ADAMTSL1: variants seen among roughly 807,000 people sequenced by gnomAD.
ADAMTSL1 encodes ADAMTS-like protein 1.
A neutral mutation model predicts 201.8 loss-of-function variants in ADAMTSL1; 126 were observed. The observed-to-expected ratio is 0.62, with a 90% CI of 0.54 to 0.72. The LOEUF is 0.72. ADAMTSL1 is among the 30% of genes least tolerant of loss of function. The probability of loss-of-function intolerance (pLI) is 0.00; values close to 1 mark genes in which losing one functional copy is unlikely to be tolerated. For synonymous variants in ADAMTSL1, 1,121 were observed against 903.4 expected (o/e 1.24, Z -4.32); for missense variants, 2,679 against 2,277.8 (o/e 1.18, Z -3.59).
chr9:18,233,670 C>G (rs1400804685), intron 2 of ADAMTSL1, among the ~76,000 whole-genome samples: 1 of 151,910 alleles, frequency 6.6e-6, no homozygotes, highest in African/African-American at 2.4e-5. Flanking sequence ...CCCTTGAACA[C>G]CTTATTGGAA....
chr9:18,671,469 C>A (rs10811008), intron 9 of ADAMTSL1, among the ~76,000 whole-genome samples: 1 of 151,796 alleles, frequency 6.6e-6, no homozygotes, highest in Non-Finnish European at 1.5e-5. Context: ...TTGCTGGTGT[C>A]GAGATGACAA....
In ADAMTSL1 at chr9:18,526,846, C is replaced by G. The variant is rs140763454; in HGVS notation, c.192-6401C>G. On this transcript the variant is annotated intron_variant, in intron 2 of 28. Coordinates refer to ENST00000380548, the MANE Select transcript of ADAMTSL1 (RefSeq NM_001040272.6). Reference sequence around the variant, plus strand: ...ATCCCTTGGTGGGGTTGCAAATCCGCTTATCTTGTTCTAATCTATGGTCGC... The same window carrying G: ...ATCCCTTGGTGGGGTTGCAAATCCGGTTATCTTGTTCTAATCTATGGTCGC... Among the ~76,000 whole-genome samples, 69 of 152,254 alleles carry G rather than the reference C, an allele frequency of 4.5e-4. 2 individuals carry two copies. The highest frequency in any genetic ancestry group is 1.6e-3 in the African/African-American group (68 of 41,542).
chr9:18,336,357 G>C (rs1835242146), intron 2 of ADAMTSL1, among the ~76,000 whole-genome samples: 2 of 151,094 alleles, frequency 1.3e-5, no homozygotes, highest in African/African-American at 4.9e-5. Flanking sequence ...CTTAAAGAAG[G>C]ACTATCAGCC....
At chr9:18,593,144 G>A (rs1013828205) in intron 4 of ADAMTSL1, among the ~76,000 whole-genome samples, 27 of 152,164 alleles carry the variant, frequency 1.8e-4, no homozygotes, top group African/African-American at 6.3e-4. Flanking sequence ...CCAAATATAA[G>A]ATTATATAAT....
chr9:18,646,395 T>G (rs560716581), intron 7 of ADAMTSL1, among the ~76,000 whole-genome samples: 7 of 152,122 alleles, frequency 4.6e-5, no homozygotes, highest in African/African-American at 1.7e-4. Context: ...TTCTCCTGCC[T>G]AATTGCCCTG....
chr9:17,962,175 G>A (rs939734520), intron 1 of ADAMTSL1, among the ~76,000 whole-genome samples: 1 of 152,142 alleles, frequency 6.6e-6, no homozygotes, highest in East Asian at 1.9e-4. Flanking sequence ...CGGCTGACCA[G>A]GGTGAAACCA....
At chr9:18,475,094 C>A (rs1275121192) in intron 1 of ADAMTSL1, among the ~76,000 whole-genome samples, 9 of 152,124 alleles carry the variant, frequency 5.9e-5, no homozygotes. Flanking sequence ...AATAGCAATG[C>A]ACATTTTTTA....
chr9:18,644,177 G>C (rs1027000908), intron 7 of ADAMTSL1, among the ~76,000 whole-genome samples: 3 of 151,670 alleles, frequency 2.0e-5, no homozygotes, highest in Non-Finnish European at 4.4e-5. Context: ...TGAATGGTTT[G>C]ATATTAGTGT....
chr9:17,990,797 T>C (rs887916010), intron 1 of ADAMTSL1, among the ~76,000 whole-genome samples: 5 of 152,152 alleles, frequency 3.3e-5, no homozygotes, highest in African/African-American at 1.2e-4. Flanking sequence ...CAGTGACTGA[T>C]GATTGAATCA....
intron 14 of ADAMTSL1, among the ~76,000 whole-genome samples, chr9:18,708,138 A>T (rs1016346422): frequency 6.6e-6 from 1 of 152,198 alleles, no homozygotes; most frequent in Admixed American, 6.5e-5. Flanking sequence ...ATTTCCCAAA[A>T]CTGTTTTCTA....
At chr9:18,055,443 T>G (rs1018923143) in intron 1 of ADAMTSL1, among the ~76,000 whole-genome samples, 1 of 152,228 alleles carries the variant, frequency 6.6e-6, no homozygotes, top group Non-Finnish European at 1.5e-5. Flanking sequence ...CATTAAAGTC[T>G]TCTCTTGGAA....
At chr9:18,729,213 T>C (rs937068726) in intron 15 of ADAMTSL1, among the ~76,000 whole-genome samples, 2 of 152,232 alleles carry the variant, frequency 1.3e-5, no homozygotes, top group African/African-American at 4.8e-5. Flanking sequence ...GTGTTGCAGC[T>C]ATCTGATCCC....
At chr9:18,129,098 A>G (rs538916172) in intron 1 of ADAMTSL1, among the ~76,000 whole-genome samples, 3 of 152,330 alleles carry the variant, frequency 2.0e-5, no homozygotes, top group South Asian at 2.1e-4. Flanking sequence ...TCTGTTTTAT[A>G]TCTATGTCTA....
At chr9:18,003,298 A>G (rs1020239854) in intron 1 of ADAMTSL1, among the ~76,000 whole-genome samples, 1 of 151,972 alleles carries the variant, frequency 6.6e-6, no homozygotes, top group Non-Finnish European at 1.5e-5. Context: ...AGAGTAAACA[A>G]AAATCTGATT....
At chr9:18,127,565 T>A (rs1825791951) in intron 1 of ADAMTSL1, among the ~76,000 whole-genome samples, 1 of 151,792 alleles carries the variant, frequency 6.6e-6, no homozygotes, top group African/African-American at 2.4e-5. Context: ...TTTTTACCAG[T>A]GCCAAAATGT....
At chr9:18,555,471 T>C (rs191907566) in intron 3 of ADAMTSL1, among the ~76,000 whole-genome samples, 115 of 152,130 alleles carry the variant, frequency 7.6e-4, no homozygotes, top group South Asian at 1.5e-3. Flanking sequence ...TACATCCTGT[T>C]GCAACTGGAA....
At chr9:17,972,386 T>A (rs1345437400) in intron 1 of ADAMTSL1, among the ~76,000 whole-genome samples, 1 of 148,130 alleles carries the variant, frequency 6.8e-6, no homozygotes, top group Non-Finnish European at 1.5e-5. Flanking sequence ...ATTGTTCAAT[T>A]TCCACCTATG....
At chr9:18,282,195 T>A (rs1458626090) in intron 2 of ADAMTSL1, among the ~76,000 whole-genome samples, 1 of 152,222 alleles carries the variant, frequency 6.6e-6, no homozygotes, top group Non-Finnish European at 1.5e-5. Flanking sequence ...TTAGTTCACT[T>A]GGTATAATGG....
chr9:18,854,649 G>C (rs1826729318), intron 23 of ADAMTSL1, among the ~76,000 whole-genome samples: 1 of 152,214 alleles, frequency 6.6e-6, no homozygotes, highest in African/African-American at 2.4e-5. Context: ...AGGGAGGAGA[G>C]AGGGCAGAGA....
Sources: allele counts gnomAD v4.1 joint callset (sites outside exome capture counted in the v4.1 genomes callset), GRCh38; gene constraint gnomAD v4.1.1; transcripts MANE v1.5; gene names NCBI Gene and HGNC (gene_info 2026-07-23, HGNC 2026-07-21).